DCUN1D4: variants seen among roughly 807,000 people sequenced by gnomAD.
DCUN1D4 encodes the protein defective in cullin neddylation 1 domain containing 4.
A neutral mutation model predicts 47.9 loss-of-function variants in DCUN1D4; 22 were observed. The observed-to-expected ratio is 0.46, with a 90% CI of 0.33 to 0.66. The LOEUF is 0.66. Ranked by LOEUF, DCUN1D4 falls within the 30% of genes least tolerant of loss-of-function variation. The probability of loss-of-function intolerance (pLI) is 0.02; values close to 1 mark genes in which losing one functional copy is unlikely to be tolerated. For synonymous variants in DCUN1D4, 121 were observed against 112.2 expected (o/e 1.08, Z -0.50); for missense variants, 301 against 340.8 (o/e 0.88, Z 0.92).
intron 1 of DCUN1D4, among the ~76,000 whole-genome samples, chr4:51,861,049 A>AG (rs1185991906): frequency 2.0e-5 from 3 of 152,224 alleles, no homozygotes; most frequent in Non-Finnish European, 4.4e-5. Flanking sequence ...ACTATCTTCC[A>AG]GGTATTGTAA....
intron 6 of DCUN1D4, chr4:51,887,195 G>A: frequency 2.3e-6 from 1 of 427,996 alleles, no homozygotes; most frequent in Non-Finnish European, 4.7e-6. Flanking sequence ...CTGCCTCCCG[G>A]GTTGAAGCGA....
chr4:51,902,257 G>A (rs1231292441), intron 8 of DCUN1D4, among the ~76,000 whole-genome samples: 1 of 152,188 alleles, frequency 6.6e-6, no homozygotes, highest in Non-Finnish European at 1.5e-5. Context: ...GTTGTCAGTG[G>A]AGTGTTCTAT....
chr4:51,853,769 G>C (rs1198445323), intron 1 of DCUN1D4, among the ~76,000 whole-genome samples: 1 of 152,166 alleles, frequency 6.6e-6, no homozygotes, highest in Non-Finnish European at 1.5e-5. Context: ...AATATTAATA[G>C]CTTAATTAGG....
In DCUN1D4 at chr4:51,845,005, G is replaced by T. The variant is rs182344517; in HGVS notation, c.25+1738G>T. The T allele has an allele frequency of 2.9e-5, 29 of 985,482 alleles. No individual in the cohort carries two copies. In the African/African-American group the frequency reaches 3.7e-4, roughly 12 times the overall value. 61.0% of individuals were successfully genotyped at this position (985,482 alleles called of 1,614,324 possible). A position where few individuals can be genotyped will look rare whatever the true frequency, so the allele number is the denominator to read the frequency against. On this transcript the variant is annotated intron_variant, in intron 1 of 10. Coordinates refer to ENST00000334635, the MANE Select transcript of DCUN1D4 (RefSeq NM_001040402.3). ...GGGAGAGGGAGAGCCCACGCCAGGC[G>T]CAGCCCTCTTCACGCTTAGGTTCTT...
chr4:51,839,164 AGAAG>A (rs1236599344), upstream of DCUN1D4, among the ~76,000 whole-genome samples: 3 of 145,988 alleles, frequency 2.1e-5, no homozygotes, highest in Non-Finnish European at 1.5e-5. Flanking sequence ...GGAAGGAAGG[AGAAG>A]GAAGGAAGGA....
At chr4:51,880,756 A>G (rs536667041) in intron 5 of DCUN1D4, among the ~76,000 whole-genome samples, 4 of 152,184 alleles carry the variant, frequency 2.6e-5, no homozygotes, top group Non-Finnish European at 5.9e-5. Context: ...GTGACTTTAG[A>G]AAGGATCGGC....
At chr4:51,861,668 TAA>T (rs1269145376) in intron 1 of DCUN1D4, among the ~76,000 whole-genome samples, 3 of 152,170 alleles carry the variant, frequency 2.0e-5, no homozygotes, top group African/African-American at 7.2e-5. Flanking sequence ...ATCAAGAGGC[TAA>T]AGTTTTCTCA....
intron 1 of DCUN1D4, among the ~76,000 whole-genome samples, chr4:51,851,075 G>A (rs1042602911): frequency 6.6e-6 from 1 of 152,194 alleles, no homozygotes; most frequent in East Asian, 1.9e-4. Flanking sequence ...CTCCTAGGTA[G>A]CCTTTAAAAA....
At chr4:51,897,026 C>G (rs1731376382) in intron 7 of DCUN1D4, among the ~76,000 whole-genome samples, 1 of 152,216 alleles carries the variant, frequency 6.6e-6, no homozygotes, top group African/African-American at 2.4e-5. Context: ...ATACTCCCAT[C>G]TGCTTCTGGG....
At chr4:51,882,017 G>C (rs1728721347) in intron 5 of DCUN1D4, among the ~76,000 whole-genome samples, 2 of 152,100 alleles carry the variant, frequency 1.3e-5, no homozygotes, top group Admixed American at 6.6e-5. Flanking sequence ...AAAAGTGTTA[G>C]ATGGCAGGGT....
chr4:51,865,002 C>G, intron 3 of DCUN1D4: 1 of 179,454 alleles, frequency 5.6e-6, no homozygotes, highest in Non-Finnish European at 1.2e-5. Context: ...AGCAAAAACT[C>G]TTTAAGAAAA....
chr4:51,837,018 G>A, the DCUN1D4 span, among the ~76,000 whole-genome samples: 3 of 152,168 alleles, frequency 2.0e-5, no homozygotes, highest in Non-Finnish European at 4.4e-5. Context: ...TCCAGCCCCT[G>A]CTAGCTGGAG....
intron 9 of DCUN1D4, 112 bp downstream of exon 9, chr4:51,911,286 G>A (rs928385335): frequency 7.5e-6 from 7 of 933,414 alleles, no homozygotes; most frequent in Non-Finnish European, 1.2e-5. Context: ...TGCCTATGTA[G>A]GAATTACGGT....
intron 4 of DCUN1D4, among the ~76,000 whole-genome samples, chr4:51,876,806 C>T (rs866966680): frequency 6.6e-6 from 1 of 152,068 alleles, no homozygotes; most frequent in Middle Eastern, 3.4e-3. Flanking sequence ...CAGTCCCCTG[C>T]ATATACTGGG....
At chr4:51,882,316 A>C (rs971818471) in intron 5 of DCUN1D4, among the ~76,000 whole-genome samples, 1 of 152,206 alleles carries the variant, frequency 6.6e-6, no homozygotes, top group Admixed American at 6.5e-5. Context: ...TGTGGCAAAC[A>C]GGCAAATAAG....
intron 8 of DCUN1D4, among the ~76,000 whole-genome samples, chr4:51,904,205 G>A (rs1170445769): frequency 1.3e-5 from 2 of 152,084 alleles, no homozygotes; most frequent in South Asian, 2.1e-4. Context: ...TCTTGATAGG[G>A]ATGATTTGGC....
At chr4:51,913,445 C>T in intron 10 of DCUN1D4, 53 bp downstream of exon 10, 8 of 1,576,214 alleles carry the variant, frequency 5.1e-6, no homozygotes, top group South Asian at 1.1e-5. Flanking sequence ...ATATCATCCT[C>T]ATTGGGAAAA....
chr4:51,848,069 T>C (rs1722823282), intron 1 of DCUN1D4: 1 of 558,810 alleles, frequency 1.8e-6, no homozygotes, highest in Admixed American at 3.5e-5. Flanking sequence ...GAAAAATTAA[T>C]TCTTCCTGTT....
chr4:51,905,572 A>G (rs1237054762), intron 8 of DCUN1D4, among the ~76,000 whole-genome samples: 1 of 152,160 alleles, frequency 6.6e-6, no homozygotes, highest in Non-Finnish European at 1.5e-5. Context: ...CTTCCTTTTT[A>G]AAAAAGGACC....
Sources: allele counts gnomAD v4.1 joint callset (sites outside exome capture counted in the v4.1 genomes callset), GRCh38; gene constraint gnomAD v4.1.1; transcripts MANE v1.5; gene names NCBI Gene and HGNC (gene_info 2026-07-23, HGNC 2026-07-21).